Variants in OLFML2B observed in about 807,000 individuals in gnomAD.
OLFML2B encodes olfactomedin-like protein 2B.
Under a neutral mutation model 74.9 loss-of-function variants are expected in OLFML2B, and 57 were observed. The ratio of observed to expected loss-of-function variants is 0.76; its 90% CI spans 0.61 to 0.95. The LOEUF is 0.95. Among genes scored for constraint, OLFML2B ranks in the 40% least tolerant of loss-of-function variants. OLFML2B has a pLI of 0.00. For missense variants in OLFML2B, 986 were observed against 970.6 expected (o/e 1.02, Z -0.21); for synonymous variants, 388 against 405.8 (o/e 0.96, Z 0.53).
intron 3 of OLFML2B, among the ~76,000 whole-genome samples, chr1:162,007,045 T>A (rs1690255576): frequency 6.6e-6 from 1 of 152,214 alleles, no homozygotes; most frequent in South Asian, 2.1e-4. Context: ...CTTCAAACTT[T>A]CCTATTTACC....
At chr1:162,021,025 T>C (rs1690689877) in intron 1 of OLFML2B, among the ~76,000 whole-genome samples, 1 of 152,030 alleles carries the variant, frequency 6.6e-6, no homozygotes, top group African/African-American at 2.4e-5. Flanking sequence ...GGCATAGAAA[T>C]AGCAGTCACA....
intron 3 of OLFML2B, among the ~76,000 whole-genome samples, chr1:162,016,348 A>T (rs1264299666): frequency 2.0e-5 from 3 of 152,156 alleles, no homozygotes; most frequent in African/African-American, 7.2e-5. Context: ...AGAGTAAGGA[A>T]CTCATTCTGT....
In OLFML2B at chr1:162,019,912, G is replaced by C. The variant is rs1415647722; in HGVS notation, c.438+7C>G. 6.2e-7 allele frequency: 1 copy of C among 1,613,914 alleles called. No individual in the cohort carries two copies. Among genetic ancestry groups the C allele is most frequent in the Admixed American group, 1.7e-5 (1 of 60,014 alleles). ...CGTCCAAGGCATTGCCCCATACCAG[G>C]TCCTACCTTCAAGTCCTGGCTGTCT... On this transcript the variant is annotated splice_region_variant and intron_variant, in intron 2 of 7. Transcript: ENST00000294794.
At chr1:162,020,364 C>T (rs1285040881) in intron 1 of OLFML2B, among the ~76,000 whole-genome samples, 182 bp from the exon 2 acceptor site, 2 of 152,194 alleles carry the variant, frequency 1.3e-5, no homozygotes, top group African/African-American at 2.4e-5. Flanking sequence ...TCCTTGAAGG[C>T]ATTCAGAGTT....
At chr1:161,991,432 A>C (rs1040832270) in intron 6 of OLFML2B, among the ~76,000 whole-genome samples, 2 of 152,186 alleles carry the variant, frequency 1.3e-5, no homozygotes, top group Admixed American at 1.3e-4. Flanking sequence ...AAGAGCAGTC[A>C]TATTTTTAAA....
intron 6 of OLFML2B, among the ~76,000 whole-genome samples, chr1:161,993,370 C>T (rs7531820): frequency 6.6e-6 from 1 of 151,932 alleles, no homozygotes; most frequent in Non-Finnish European, 1.5e-5. Flanking sequence ...GTGGCCTGTG[C>T]CCCCCAGTGC....
intron 3 of OLFML2B, among the ~76,000 whole-genome samples, chr1:162,006,897 G>A (rs562403464): frequency 2.0e-5 from 3 of 152,206 alleles, no homozygotes; most frequent in African/African-American, 4.8e-5. Context: ...GGCTTTCTAA[G>A]CAATTTTGGA....
At chr1:162,008,531 G>A (rs79322370) in intron 3 of OLFML2B, among the ~76,000 whole-genome samples, 44 of 152,294 alleles carry the variant, frequency 2.9e-4, no homozygotes, top group Middle Eastern at 3.4e-3. Context: ...TCAAAAAGCC[G>A]GAGAATACTT....
At chr1:162,017,586 T>C in intron 2 of OLFML2B, 79 bp from the exon 3 acceptor site, 1 of 1,025,244 alleles carries the variant, frequency 9.8e-7, no homozygotes, top group Non-Finnish European at 1.4e-6. Context: ...ATCTGCATAC[T>C]GGGGGCTCGA....
chr1:162,004,397 GAT>G (rs1310212876), intron 4 of OLFML2B, among the ~76,000 whole-genome samples: 1 of 152,206 alleles, frequency 6.6e-6, no homozygotes, highest in African/African-American at 2.4e-5. Flanking sequence ...GAAGAAATAT[GAT>G]ATTTCCAAAA....
intron 6 of OLFML2B, among the ~76,000 whole-genome samples, chr1:161,997,188 T>TCCCAGCTCAAATC (rs1689935778): frequency 2.0e-5 from 3 of 152,136 alleles, no homozygotes. Context: ...CTCTTATTCA[T>TCCCAGCTCAAATC]CCTTCAAATC....
Position 161,998,242 on chromosome 1 carries a change from G to A in OLFML2B, c.1057C>T (p.Arg353Cys), listed in dbSNP as rs751324408. 9.3e-6 allele frequency: 15 copies of A among 1,612,042 alleles called. No individual in the cohort carries two copies. The highest frequency in any genetic ancestry group is 2.7e-5 in the African/African-American group (2 of 74,890). ...GTCACAGCAGTGCTGTGTCCCTGACGGGTGGCTGCAGGCCTCCGGGTGACA... is the reference window on the plus strand; with the variant it reads ...GTCACAGCAGTGCTGTGTCCCTGACAGGTGGCTGCAGGCCTCCGGGTGACA... The part of the protein sequence containing the change: ...TSVTRRPAAT[R>C]QGHSTAVTSD... Residue 353 changes from arginine (R) to cysteine (C), a missense_variant, in exon 6 of 8, where the codon CGT becomes TGT. By Grantham distance (180) the Arg-to-Cys change is radical. Coordinates refer to ENST00000294794, the MANE Select transcript of OLFML2B (RefSeq NM_015441.3).
At chr1:162,009,342 G>GGACT (rs1463160029) in intron 3 of OLFML2B, among the ~76,000 whole-genome samples, 6 of 152,284 alleles carry the variant, frequency 3.9e-5, no homozygotes, top group African/African-American at 1.2e-4. Flanking sequence ...ACCTCTGGGT[G>GGACT]GACTGACTGG....
intron 6 of OLFML2B, 59 bp from the exon 7 acceptor site, chr1:161,985,039 A>G: frequency 6.7e-7 from 1 of 1,502,224 alleles, no homozygotes; most frequent in Non-Finnish European, 9.0e-7. Flanking sequence ...TCACCCCTTA[A>G]ACCTTTGCTG....
rs371545815 is a variant in OLFML2B at position 161,983,636 on chromosome 1, A to G, written c.*39T>C. ...CGCACACACATACACACAAGGTGCTAGTGACCCCTCTGTGCTTCTGCTTGT... is the reference window on the plus strand; with the variant it reads ...CGCACACACATACACACAAGGTGCTGGTGACCCCTCTGTGCTTCTGCTTGT... On this transcript the variant is annotated 3_prime_UTR_variant, in exon 8 of 8. Coordinates refer to ENST00000294794, the MANE Select transcript of OLFML2B (RefSeq NM_015441.3). 9 of 1,576,684 alleles carry G rather than the reference A, an allele frequency of 5.7e-6. No homozygotes were observed. In the African/African-American group the frequency reaches 6.7e-5, roughly 12 times the overall value.
intron 6 of OLFML2B, among the ~76,000 whole-genome samples, chr1:161,997,300 G>A (rs762270848): frequency 6.6e-6 from 1 of 152,158 alleles, no homozygotes; most frequent in African/African-American, 2.4e-5. Context: ...CCATTCCTCT[G>A]GTACAGCACT....
intron 6 of OLFML2B, among the ~76,000 whole-genome samples, chr1:161,992,225 T>C (rs1302975868): frequency 6.6e-6 from 1 of 152,266 alleles, no homozygotes; most frequent in African/African-American, 2.4e-5. Flanking sequence ...CCAGCCTCTG[T>C]TAGCTTCAGA....
At chr1:162,021,728 T>C (rs1690708153) in intron 1 of OLFML2B, among the ~76,000 whole-genome samples, 1 of 152,206 alleles carries the variant, frequency 6.6e-6, no homozygotes, top group Non-Finnish European at 1.5e-5. Context: ...GGGCTGATAG[T>C]AAATTGTGGC....
In OLFML2B at chr1:162,023,611, T is replaced by G; in HGVS notation, c.-181A>C. Reference sequence around the variant, plus strand: ...GTGCGCCCCAGAGACTCTGGGCATCTCCTTCCCGACGCGAGCAGCCCTCGA... The same window carrying G: ...GTGCGCCCCAGAGACTCTGGGCATCGCCTTCCCGACGCGAGCAGCCCTCGA... On this transcript the variant is annotated 5_prime_UTR_variant, in exon 1 of 8. Coordinates refer to ENST00000294794, the MANE Select transcript of OLFML2B (RefSeq NM_015441.3). The G allele has an allele frequency of 2.1e-6, 1 of 487,270 alleles. No individual in the cohort carries two copies. Among genetic ancestry groups the G allele is most frequent in the Non-Finnish European group, 3.4e-6 (1 of 290,612 alleles). 30.2% of individuals were successfully genotyped at this position (487,270 alleles called of 1,614,324 possible). A position where few individuals can be genotyped will look rare whatever the true frequency, so the allele number is the denominator to read the frequency against.
Sources: gnomAD v4.1 joint callset for allele counts (sites outside exome capture counted in the v4.1 genomes callset) on GRCh38, gnomAD v4.1.1 for gene constraint, MANE v1.5 for transcripts, NCBI Gene and HGNC (gene_info 2026-07-23, HGNC 2026-07-21) for gene names.